The following MPPED2 variants were observed in gnomAD, a reference collection of about 807,000 sequenced individuals.
MPPED2 encodes metallophosphoesterase MPPED2.
A neutral mutation model predicts 33.0 loss-of-function variants in MPPED2; 5 were observed. The ratio of observed to expected loss-of-function variants is 0.15; its 90% confidence interval spans 0.08 to 0.32. The LOEUF (loss-of-function observed/expected upper bound fraction) is 0.32. Ranked by LOEUF, MPPED2 falls within the 10% of genes least tolerant of loss-of-function variation. The probability of loss-of-function intolerance (pLI) is 1.00; values close to 1 mark genes in which losing one functional copy is unlikely to be tolerated. For synonymous variants in MPPED2, 136 were observed against 141.9 expected (o/e 0.96, Z 0.29); for missense variants, 275 against 372.1 (o/e 0.74, Z 2.15).
chr11:30,483,695 C>A (rs891606818), intron 4 of MPPED2, among the ~76,000 whole-genome samples: 2 of 152,072 alleles, frequency 1.3e-5, no homozygotes, highest in East Asian at 1.9e-4. Context: ...ACTTTTAAAT[C>A]ATTAAGACAA....
chr11:30,563,863 G>T (rs1743782540), intron 2 of MPPED2, among the ~76,000 whole-genome samples: 1 of 152,148 alleles, frequency 6.6e-6, no homozygotes, highest in African/African-American at 2.4e-5. Context: ...GCTATGTGTG[G>T]GTATCCCCTT....
intron 3 of MPPED2, among the ~76,000 whole-genome samples, chr11:30,507,487 C>A (rs543483125): frequency 1.8e-4 from 27 of 152,106 alleles, no homozygotes; most frequent in Admixed American, 5.2e-4. Flanking sequence ...AATTTAGGAG[C>A]CAGTAAAATT....
intron 2 of MPPED2, among the ~76,000 whole-genome samples, chr11:30,541,776 G>C (rs752347338): frequency 2.1e-4 from 32 of 152,198 alleles, no homozygotes; most frequent in South Asian, 6.2e-4. Flanking sequence ...TATTTTTATA[G>C]AGACAAGGTT....
At chr11:30,443,302 G>A (rs983135761) in intron 4 of MPPED2, among the ~76,000 whole-genome samples, 6 of 152,196 alleles carry the variant, frequency 3.9e-5, no homozygotes, top group Admixed American at 3.9e-4. Context: ...TTAAGTGTCA[G>A]AGCTTATTAT....
At chr11:30,467,925 G>C (rs540895456) in intron 4 of MPPED2, among the ~76,000 whole-genome samples, 1 of 152,024 alleles carries the variant, frequency 6.6e-6, no homozygotes, top group Non-Finnish European at 1.5e-5. Flanking sequence ...CTGATGCTAT[G>C]GCAGAACCAA....
At chr11:30,431,109 G>C (rs186544900) in intron 4 of MPPED2, among the ~76,000 whole-genome samples, 2 of 152,348 alleles carry the variant, frequency 1.3e-5, no homozygotes, top group East Asian at 3.9e-4. Context: ...AGAAAAACAG[G>C]AAAGCTATTC....
intron 1 of MPPED2, among the ~76,000 whole-genome samples, chr11:30,583,960 C>T (rs773911051): frequency 6.6e-6 from 1 of 152,206 alleles, no homozygotes; most frequent in Non-Finnish European, 1.5e-5. Flanking sequence ...TCTTAATTCA[C>T]GCCCCTACTC....
In MPPED2 at chr11:30,490,604, G is replaced by C. The variant is rs574182623; in HGVS notation, c.536+4692C>G. ...CAGTTTAGGCCACTGGATTTTCCCA[G>C]ACCTATCAAACCACATTCAAAGCCT... On this transcript the variant is annotated intron_variant, in intron 4 of 6. Coordinates refer to ENST00000358117, the MANE Select transcript of MPPED2 (RefSeq NM_001584.3). Among the ~76,000 whole-genome samples the C allele has an allele frequency of 9.2e-5, 14 of 151,994 alleles. No homozygotes were observed. In the South Asian group the frequency reaches 2.5e-3, roughly 27 times the overall value.
In MPPED2 at chr11:30,411,537, C is replaced by A; in HGVS notation, c.816G>T (p.Thr272=). 7 of 1,613,876 alleles carry A rather than the reference C, an allele frequency of 4.3e-6. No individual in the cohort carries two copies. Among genetic ancestry groups the A allele is most frequent in the Non-Finnish European group, 5.9e-6 (7 of 1,179,840 alleles). Residue 272 remains threonine (T), a synonymous_variant, in exon 7 of 7, where the codon ACG becomes ACT. Transcript: ENST00000358117. The part of the protein sequence containing the change: ...DGYTTYINAS[T]CTVSFQPTNP... ...TGGTCGGTTGAAAGCTGACTGTACA[C>A]GTCGAGGCATTGATGTACGTTGTGT...
At chr11:30,536,267 T>C in intron 2 of MPPED2, 92 bp from the exon 3 acceptor site, 2 of 1,159,034 alleles carry the variant, frequency 1.7e-6, no homozygotes, top group Non-Finnish European at 2.3e-6. Flanking sequence ...TATTCGTGAA[T>C]GCACCCAGAC....
intron 4 of MPPED2, among the ~76,000 whole-genome samples, chr11:30,448,056 G>C (rs1289826316): frequency 6.6e-6 from 1 of 152,114 alleles, no homozygotes; most frequent in Non-Finnish European, 1.5e-5. Context: ...CTTAAGATGA[G>C]GGAAATCCCT....
chr11:30,569,976 A>G (rs1358974712), intron 2 of MPPED2, among the ~76,000 whole-genome samples: 6 of 152,082 alleles, frequency 3.9e-5, no homozygotes, highest in Admixed American at 1.3e-4. Flanking sequence ...CACATCTGCT[A>G]TATATTCCCT....
At chr11:30,543,050 T>G (rs1190511464) in intron 2 of MPPED2, among the ~76,000 whole-genome samples, 2 of 152,146 alleles carry the variant, frequency 1.3e-5, no homozygotes, top group African/African-American at 4.8e-5. Flanking sequence ...ACATGAGAAG[T>G]GAAGTAATGA....
chr11:30,496,230 A>C (rs949460154), intron 3 of MPPED2, among the ~76,000 whole-genome samples: 11 of 152,200 alleles, frequency 7.2e-5, no homozygotes, highest in African/African-American at 2.7e-4. Flanking sequence ...TTTCCTGATC[A>C]AAATGAGATA....
intron 2 of MPPED2, among the ~76,000 whole-genome samples, chr11:30,569,988 C>T (rs1372573668): frequency 6.6e-6 from 1 of 152,090 alleles, no homozygotes; most frequent in Non-Finnish European, 1.5e-5. Flanking sequence ...ATATTCCCTC[C>T]TACTTTTTCC....
intron 3 of MPPED2, among the ~76,000 whole-genome samples, chr11:30,533,931 C>A (rs192358609): frequency 6.6e-6 from 1 of 152,134 alleles, no homozygotes; most frequent in African/African-American, 2.4e-5. Context: ...TAAATAATTC[C>A]TCTGGCCTCT....
chr11:30,428,271 A>AT (rs1174649454), intron 4 of MPPED2, among the ~76,000 whole-genome samples: 1 of 152,244 alleles, frequency 6.6e-6, no homozygotes, highest in African/African-American at 2.4e-5. Context: ...AAATGCACAC[A>AT]ACATTATATA....
intron 2 of MPPED2, among the ~76,000 whole-genome samples, chr11:30,568,696 A>G (rs1478673752): frequency 6.6e-6 from 1 of 152,212 alleles, no homozygotes; most frequent in African/African-American, 2.4e-5. Context: ...AAACGCAATT[A>G]TGGCATAAAG....
intron 4 of MPPED2, among the ~76,000 whole-genome samples, chr11:30,478,821 CGTT>C (rs533240307): frequency 4.5e-4 from 69 of 152,200 alleles, no homozygotes; most frequent in African/African-American, 1.6e-3. Context: ...CCTTAAATAA[CGTT>C]GTCGTTTTGA....
Sources: gnomAD v4.1 joint callset for allele counts (sites outside exome capture counted in the v4.1 genomes callset) on GRCh38, gnomAD v4.1.1 for gene constraint, MANE v1.5 for transcripts, NCBI Gene and HGNC (gene_info 2026-07-23, HGNC 2026-07-21) for gene names.